Variants in SLCO1B3 observed in about 807,000 individuals in gnomAD.
SLCO1B3 encodes solute carrier organic anion transporter family member 1B3.
In SLCO1B3, 72 loss-of-function variants were observed where a neutral mutation model predicts 71.8. The observed-to-expected ratio is 1.00, with a 90% CI of 0.83 to 1.22. The LOEUF (loss-of-function observed/expected upper bound fraction) is 1.22, where lower values mean the gene tolerates loss of function less well. Among genes scored for constraint, SLCO1B3 ranks in the 50% most tolerant of loss-of-function variants. SLCO1B3 has a pLI of 0.00. For missense variants in SLCO1B3, 911 were observed against 819.7 expected, an observed-to-expected ratio of 1.11 and a Z score of -1.36; for synonymous variants, 298 against 278.4, an observed-to-expected ratio of 1.07 and a Z score of -0.70.
intron 2 of SLCO1B3, among the ~76,000 whole-genome samples, chr12:20,814,773 T>C (rs1410144586): frequency 6.6e-6 from 1 of 151,854 alleles, no homozygotes; most frequent in African/African-American, 2.4e-5. Flanking sequence ...CACCTGCGCC[T>C]GTGGTCCCAG....
At chr12:20,833,432 T>C (rs1044394390) in intron 3 of SLCO1B3, among the ~76,000 whole-genome samples, 1 of 149,776 alleles carries the variant, frequency 6.7e-6, no homozygotes, top group African/African-American at 2.4e-5. Context: ...TATATATGTT[T>C]ACTATATATA....
At chr12:20,844,699 G>A (rs2033508) in intron 3 of SLCO1B3, among the ~76,000 whole-genome samples, 109,954 of 151,726 alleles carry the variant, frequency 0.72, 42,404 homozygotes, top group South Asian at 0.9. Context: ...TTATTCCACT[G>A]TGGTCTGAAA....
At chr12:20,862,297 G>T in intron 6 of SLCO1B3, 115 bp from the exon 7 acceptor site, 2 of 1,204,982 alleles carry the variant, frequency 1.7e-6, no homozygotes, top group Non-Finnish European at 2.3e-6. Context: ...TGAATCACTT[G>T]TAATTAGGAA....
intron 3 of SLCO1B3, among the ~76,000 whole-genome samples, chr12:20,819,147 A>G (rs1020891841): frequency 2.1e-4 from 32 of 152,146 alleles, no homozygotes; most frequent in Non-Finnish European, 3.2e-4. Context: ...AGTTGTTTGG[A>G]CAGAAAGGCT....
chr12:20,900,370 A>G (rs1432507538), intron 14 of SLCO1B3, among the ~76,000 whole-genome samples: 1 of 152,214 alleles, frequency 6.6e-6, no homozygotes, highest in African/African-American at 2.4e-5. Context: ...ACAAAACAGA[A>G]CAAGAACAAA....
intron 8 of SLCO1B3, among the ~76,000 whole-genome samples, chr12:20,870,114 T>C (rs1242374307): frequency 2.6e-5 from 4 of 152,184 alleles, no homozygotes; most frequent in Non-Finnish European, 4.4e-5. Flanking sequence ...CATATACCTG[T>C]TCATTTCGAT....
chr12:20,819,903 G>C (rs1003264571), intron 3 of SLCO1B3, among the ~76,000 whole-genome samples: 6 of 152,038 alleles, frequency 3.9e-5, no homozygotes, highest in African/African-American at 1.5e-4. Flanking sequence ...CTTTGGATTG[G>C]GAAGAAGGGC....
chr12:20,875,820 T>A (rs1262825631), intron 9 of SLCO1B3, among the ~76,000 whole-genome samples: 1 of 152,014 alleles, frequency 6.6e-6, no homozygotes, highest in Non-Finnish European at 1.5e-5. Context: ...TTTATTTATT[T>A]AACAAATGAT....
chr12:20,817,793 T>C (rs1864217599), intron 3 of SLCO1B3, among the ~76,000 whole-genome samples: 1 of 151,904 alleles, frequency 6.6e-6, no homozygotes. Context: ...GGTTTCACCA[T>C]GTTAGCCAGG....
chr12:20,811,722 T>C lies in SLCO1B3; in HGVS notation c.-181+958T>C, dbSNP rs144000420. Among the ~76,000 whole-genome samples the C allele has an allele frequency of 5.1e-3, 771 of 152,280 alleles. 15 individuals are homozygous for C. Among genetic ancestry groups the C allele is most frequent in the East Asian group, 7.9e-3 (41 of 5,178 alleles). On this transcript the variant is annotated intron_variant, in intron 1 of 15. Coordinates refer to ENST00000381545, the MANE Select transcript of SLCO1B3 (RefSeq NM_019844.4). ...ATGCCTGTGGCTCTGTCTATAAACA[T>C]ATTGTGTCCTCAACATTTATTTATG...
intron 3 of SLCO1B3, among the ~76,000 whole-genome samples, chr12:20,832,627 C>CT (rs1200861506): frequency 2.0e-5 from 3 of 152,132 alleles, no homozygotes; most frequent in Non-Finnish European, 4.4e-5. Context: ...TTCTGGGTCT[C>CT]TTTTCTCCGG....
intron 4 of SLCO1B3, among the ~76,000 whole-genome samples, chr12:20,857,412 T>G (rs1865162934): frequency 6.6e-6 from 1 of 152,008 alleles, no homozygotes; most frequent in Non-Finnish European, 1.5e-5. Context: ...TTTCTGAATA[T>G]TTTTCCTTTA....
At chr12:20,885,084 A>C (rs1467842958) in intron 13 of SLCO1B3, among the ~76,000 whole-genome samples, 1 of 152,154 alleles carries the variant, frequency 6.6e-6, no homozygotes, top group African/African-American at 2.4e-5. Context: ...AGAGTTTTAA[A>C]AACATTGTTC....
At position 20,916,092 on chromosome 12, in the gene SLCO1B3, C is replaced by T. The variant is rs1866489572; in HGVS notation, c.1954C>T (p.Gln652Ter). 5 of 1,612,980 alleles carry T rather than the reference C, an allele frequency of 3.1e-6. No individual in the cohort carries two copies. Among genetic ancestry groups the T allele is most frequent in the Non-Finnish European group, 4.2e-6 (5 of 1,179,328 alleles). Residue 652 changes from glutamine to a stop codon, truncating the protein, a stop_gained, in exon 16 of 16, where the codon CAA becomes TAA. Transcript: ENST00000381545. LOFTEE classifies it high-confidence loss of function. ...VFIFAMKKKF[Q>*]GKDTKASDNE... ...CATTTTTGCTATGAAGAAAAAATTT[C>T]AAGGAAAAGATACCAAGGCATCGGA...
intron 3 of SLCO1B3, among the ~76,000 whole-genome samples, chr12:20,830,051 C>T (rs1177534387): frequency 2.6e-5 from 4 of 152,106 alleles, no homozygotes; most frequent in Non-Finnish European, 4.4e-5. Context: ...CCTTAATTGT[C>T]GGGGACTGCA....
rs374616195 is a variant in SLCO1B3, at chr12:20,858,476, A to T, written c.264A>T (p.Gly88=). The T allele has an allele frequency of 1.3e-6, 2 of 1,595,320 alleles. No homozygotes were observed. Among genetic ancestry groups the T allele is most frequent in the Non-Finnish European group, 1.7e-6 (2 of 1,163,212 alleles). The change falls in exon 5 of 16, where the codon GGA becomes GGT. Residue 88 remains glycine, a synonymous_variant. Transcript: ENST00000381545. ...LLVIVFVSYF[G]SKLHRPKLIG... The stretch of plus-strand genomic sequence containing the variant: ...TGATTGTATTTGTAAGTTACTTTGG[A>T]TCTAAACTACACAGACCGAAGTTAA...
intron 15 of SLCO1B3, among the ~76,000 whole-genome samples, chr12:20,912,995 C>T (rs1277835845): frequency 6.6e-6 from 1 of 151,950 alleles, no homozygotes; most frequent in Admixed American, 6.6e-5. Context: ...CTTAAGATAT[C>T]TTTTATAGAC....
In SLCO1B3 at chr12:20,895,259, C is replaced by G. The variant is rs11045588; in HGVS notation, c.1683-3177C>G. Among the ~76,000 whole-genome samples the G allele has an allele frequency of 3.3e-5, 5 of 152,264 alleles. No individual in the cohort carries two copies. The East Asian group carries it at 9.7e-4, about 30-fold the overall frequency. On this transcript the variant is annotated intron_variant, in intron 13 of 15. Transcript: ENST00000381545. ...TTCTTTCCCAACAGTCCCCCAGAAT[C>G]TTAACTAATTTCAGCATTAACCCAA...
At chr12:20,859,491 C>A (rs1360076164) in intron 5 of SLCO1B3, among the ~76,000 whole-genome samples, 1 of 137,644 alleles carries the variant, frequency 7.3e-6, no homozygotes, top group African/African-American at 2.5e-5. Context: ...CTGTTTTTTT[C>A]CCCCTCTACA....
Sources: allele counts gnomAD v4.1 joint callset (sites outside exome capture counted in the v4.1 genomes callset), GRCh38; gene constraint gnomAD v4.1.1; transcripts MANE v1.5; gene names NCBI Gene and HGNC (gene_info 2026-07-23, HGNC 2026-07-21).